NELL2: variants seen among roughly 807,000 people sequenced by gnomAD.
The protein encoded by NELL2 is neural EGFL like 2.
NELL2 carries 41 observed loss-of-function variants against 109.6 expected under a neutral mutation model. The observed-to-expected ratio is 0.37, with a 90% CI of 0.29 to 0.49. The LOEUF (loss-of-function observed/expected upper bound fraction) is 0.49, where lower values mean the gene tolerates loss of function less well. Among genes scored for constraint, NELL2 ranks in the 20% least tolerant of loss-of-function variants. NELL2 has a pLI of 0.98. For missense variants in NELL2, 900 were observed against 1,008.3 expected (o/e 0.89, Z 1.45); for synonymous variants, 355 against 344.7 (o/e 1.03, Z -0.33).
intron 19 of NELL2, among the ~76,000 whole-genome samples, chr12:44,512,461 C>T (rs1941041899): frequency 6.6e-6 from 1 of 151,448 alleles, no homozygotes; most frequent in African/African-American, 2.4e-5. Flanking sequence ...TATGATCCAG[C>T]AATCTCACTA....
intron 9 of NELL2, among the ~76,000 whole-genome samples, chr12:44,759,999 CA>C (rs1941054991): frequency 6.6e-6 from 1 of 152,176 alleles, no homozygotes. Context: ...AACCTGAAAA[CA>C]ATCTTTCTCT....
At chr12:44,546,751 G>A (rs1942810888) in intron 15 of NELL2, among the ~76,000 whole-genome samples, 1 of 152,022 alleles carries the variant, frequency 6.6e-6, no homozygotes, top group Non-Finnish European at 1.5e-5. Context: ...TATTGCCAAG[G>A]CAACCCCAAA....
chr12:44,856,015 C>T (rs952439431), intron 2 of NELL2, among the ~76,000 whole-genome samples: 2 of 152,204 alleles, frequency 1.3e-5, no homozygotes, highest in Admixed American at 6.5e-5. Flanking sequence ...CGAAAGTAAT[C>T]ATATTTGTCA....
At chr12:44,649,972 T>C (rs1260016992) in intron 13 of NELL2, among the ~76,000 whole-genome samples, 1 of 152,112 alleles carries the variant, frequency 6.6e-6, no homozygotes, top group Non-Finnish European at 1.5e-5. Flanking sequence ...CTAATTACAA[T>C]GTGTGTAAAG....
chr12:44,521,157 G>T (rs979440633), intron 18 of NELL2, among the ~76,000 whole-genome samples: 3 of 152,066 alleles, frequency 2.0e-5, no homozygotes, highest in African/African-American at 7.2e-5. Flanking sequence ...CTTACTTATT[G>T]TTTCTAGTAA....
intron 2 of NELL2, among the ~76,000 whole-genome samples, chr12:44,855,653 T>C (rs1249256005): frequency 2.0e-5 from 3 of 152,208 alleles, no homozygotes; most frequent in African/African-American, 7.2e-5. Flanking sequence ...AATCTTTATC[T>C]GCCTTGGAAA....
At chr12:44,522,643 A>T (rs1172713374) in intron 17 of NELL2, 1 of 152,956 alleles carries the variant, frequency 6.5e-6, no homozygotes, top group Non-Finnish European at 1.5e-5. Flanking sequence ...AATTTCTTTT[A>T]TGACAGTTGG....
chr12:44,720,135 A>G (rs1252829894), intron 9 of NELL2, among the ~76,000 whole-genome samples: 1 of 152,140 alleles, frequency 6.6e-6, no homozygotes, highest in East Asian at 1.9e-4. Flanking sequence ...TCTCTTCTCT[A>G]CAATGCTTAA....
intron 16 of NELL2, among the ~76,000 whole-genome samples, chr12:44,525,450 G>A (rs1015033112): frequency 1.3e-5 from 2 of 152,178 alleles, no homozygotes; most frequent in African/African-American, 4.8e-5. Flanking sequence ...TGCTATCCAA[G>A]GAGTTTGAGT....
chr12:44,718,452 T>A (rs1182063835), intron 9 of NELL2, among the ~76,000 whole-genome samples: 1 of 152,228 alleles, frequency 6.6e-6, no homozygotes, highest in Non-Finnish European at 1.5e-5. Flanking sequence ...TTAACCATGT[T>A]AATTGCATGC....
chr12:44,700,395 G>A (rs920716823), intron 12 of NELL2, among the ~76,000 whole-genome samples: 1 of 152,118 alleles, frequency 6.6e-6, no homozygotes, highest in Non-Finnish European at 1.5e-5. Flanking sequence ...GCTGTCCCTT[G>A]TTCTTAACAT....
At chr12:44,823,793 T>C (rs1020379704) in intron 2 of NELL2, among the ~76,000 whole-genome samples, 6 of 152,328 alleles carry the variant, frequency 3.9e-5, no homozygotes, top group Admixed American at 3.3e-4. Context: ...TTCTATTTTT[T>C]ATTTGATGAG....
intron 12 of NELL2, among the ~76,000 whole-genome samples, chr12:44,680,801 C>T (rs1219783743): frequency 1.3e-5 from 2 of 152,082 alleles, no homozygotes; most frequent in Non-Finnish European, 2.9e-5. Context: ...ACCTGCTTCC[C>T]CCAAATCGCA....
chr12:44,840,101 T>G (rs1944178219), intron 2 of NELL2, among the ~76,000 whole-genome samples: 1 of 152,174 alleles, frequency 6.6e-6, no homozygotes, highest in Non-Finnish European at 1.5e-5. Context: ...ATGCTGTGCT[T>G]TTGCCTGCAA....
intron 12 of NELL2, among the ~76,000 whole-genome samples, chr12:44,691,961 A>C (rs1948912263): frequency 6.6e-6 from 1 of 152,228 alleles, no homozygotes; most frequent in African/African-American, 2.4e-5. Flanking sequence ...GCTGATGTAC[A>C]AACTGCAGTA....
At chr12:44,874,337 T>C (rs940455360) in intron 2 of NELL2, among the ~76,000 whole-genome samples, 28 of 152,188 alleles carry the variant, frequency 1.8e-4, no homozygotes, top group African/African-American at 6.3e-4. Context: ...CTCTTTTGCC[T>C]TCATGTATTC....
chr12:44,665,347 C>T lies in NELL2; in HGVS notation c.1444+137G>A, dbSNP rs536737599. 39 of 669,156 alleles carry T rather than the reference C, an allele frequency of 5.8e-5. No individual in the cohort carries two copies. In the South Asian group the frequency reaches 1.0e-3, roughly 17 times the overall value. The allele number at this position is 669,156 out of a possible 1,614,324, so 41.5% of individuals were successfully genotyped here. ...TTAGAACAGATTAAGAAATAACTAC[C>T]AAATCAAGAAGATATGATTTTGCTA... On this transcript the variant is annotated intron_variant, in intron 13 of 19. Transcript: ENST00000429094.
intron 17 of NELL2, chr12:44,523,044 G>C: frequency 1.9e-6 from 1 of 513,830 alleles, no homozygotes. Flanking sequence ...ATTTATATGA[G>C]GCTCTAGAAA....
intron 1 of NELL2, among the ~76,000 whole-genome samples, chr12:44,913,628 C>T (rs1945802758): frequency 2.6e-5 from 4 of 152,058 alleles, no homozygotes; most frequent in Non-Finnish European, 5.9e-5. Context: ...AATTCCCAAA[C>T]TCTTAACATA....
Sources: allele counts gnomAD v4.1 joint callset (sites outside exome capture counted in the v4.1 genomes callset), GRCh38; gene constraint gnomAD v4.1.1; transcripts MANE v1.5; gene names NCBI Gene and HGNC (gene_info 2026-07-23, HGNC 2026-07-21).